Variants in PPIG observed in about 807,000 individuals in gnomAD.
PPIG encodes peptidyl-prolyl cis-trans isomerase G.
A neutral mutation model predicts 87.9 loss-of-function variants in PPIG; 26 were observed. That is an observed-to-expected ratio of 0.30 (90% CI 0.22 to 0.41). The LOEUF is 0.41. Among genes scored for constraint, PPIG ranks in the 10% least tolerant of loss-of-function variants. The pLI, the probability that PPIG is intolerant of heterozygous loss-of-function variation, is 1.00. For missense variants in PPIG, 722 were observed against 879.4 expected, an observed-to-expected ratio of 0.82 and a Z score of 2.26; for synonymous variants, 308 against 276.5, an observed-to-expected ratio of 1.11 and a Z score of -1.13.
Position 169,604,175 on chromosome 2 carries a change from C to T in PPIG, c.62-12C>T. Reference sequence around the variant, plus strand: ...TTAGTAAAGAAGTTTAACCAACTACCTTCTTTTTCAGCTGGAAGAGTTGTC... The same window carrying T: ...TTAGTAAAGAAGTTTAACCAACTACTTTCTTTTTCAGCTGGAAGAGTTGTC... On this transcript the variant is annotated splice_polypyrimidine_tract_variant and intron_variant, in intron 3 of 13. Transcript: ENST00000260970. 1.2e-6 allele frequency: 2 copies of T among 1,612,892 alleles called. No homozygotes were observed. Among genetic ancestry groups the T allele is most frequent in the Non-Finnish European group, 1.7e-6 (2 of 1,179,156 alleles).
intron 4 of PPIG, among the ~76,000 whole-genome samples, chr2:169,605,069 C>T (rs1376211396): frequency 6.6e-6 from 1 of 152,092 alleles, no homozygotes; most frequent in African/African-American, 2.4e-5. Context: ...CGTGGTGGCT[C>T]ACGCCTGTAA....
chr2:169,637,729 C>A lies in PPIG; in HGVS notation c.*206C>A. 1 of 511,456 alleles carries A rather than the reference C, an allele frequency of 2.0e-6. No homozygotes were observed. The highest frequency in any genetic ancestry group is 3.3e-6 in the Non-Finnish European group (1 of 304,242). The allele number at this position is 511,456 out of a possible 1,614,324, so 31.7% of individuals were successfully genotyped here. On this transcript the variant is annotated 3_prime_UTR_variant, in exon 14 of 14. Coordinates refer to ENST00000260970, the MANE Select transcript of PPIG (RefSeq NM_004792.3). ...TGTACTGCTAAAGTTTTAATAAACT[C>A]GACATGAGAAAAACACTTTGGTGTA...
intron 4 of PPIG, among the ~76,000 whole-genome samples, 169 bp from the exon 5 acceptor site, chr2:169,605,870 A>G (rs1685312431): frequency 6.6e-6 from 1 of 152,214 alleles, no homozygotes; most frequent in African/African-American, 2.4e-5. Flanking sequence ...ATTCTCCAGA[A>G]ATAACGTGGG....
chr2:169,605,976 AT>A (rs1302119176), intron 4 of PPIG, 62 bp from the exon 5 acceptor site: 1 of 1,178,224 alleles, frequency 8.5e-7, no homozygotes, highest in Non-Finnish European at 1.3e-6. Flanking sequence ...TTTTACATTT[AT>A]TTTGCTTTCA....
rs1686059642 is a variant in PPIG at position 169,631,791 on chromosome 2, A to C, written c.787A>C (p.Asn263His). Residue 263 changes from asparagine to histidine, a missense_variant, in exon 11 of 14, where the codon AAT (asparagine) becomes CAT (histidine). By Grantham distance (68) the Asn-to-His change is moderately conservative. Around this residue, in one of 4 missense-constraint regions of PPIG, gnomAD observed 142 missense variants for 152.8 expected, o/e 0.93. Coordinates refer to ENST00000260970, the MANE Select transcript of PPIG (RefSeq NM_004792.3). ...TGCATCTAGTGAGAGTGAAGCTGAA[A>C]ATCTTGAAGCACAACCCCAGTCTAC... is the stretch of plus-strand genomic sequence containing the variant. ...KSASSESEAE[N>H]LEAQPQSTVR... 6.2e-7 allele frequency: 1 copy of C among 1,613,750 alleles called. No individual in the cohort carries two copies. Among genetic ancestry groups the C allele is most frequent in the Non-Finnish European group, 8.5e-7 (1 of 1,179,850 alleles).
At chr2:169,612,379 ATTTTTT>A (rs57752220) in intron 7 of PPIG, among the ~76,000 whole-genome samples, 4 of 106,742 alleles carry the variant, frequency 3.7e-5, no homozygotes, top group Non-Finnish European at 1.8e-5. Flanking sequence ...TCAGAACTCC[ATTTTTT>A]TTTTTTTTTT....
intron 7 of PPIG, among the ~76,000 whole-genome samples, chr2:169,611,348 C>T (rs1685482853): frequency 6.6e-6 from 1 of 152,180 alleles, no homozygotes; most frequent in African/African-American, 2.4e-5. Flanking sequence ...GTTCTATAGT[C>T]AACTTTTGGC....
At chr2:169,605,903 A>T (rs1685313299) in intron 4 of PPIG, 136 bp from the exon 5 acceptor site, 2 of 637,510 alleles carry the variant, frequency 3.1e-6, no homozygotes, top group Non-Finnish European at 2.7e-6. Flanking sequence ...TGAATTTTTA[A>T]AAAAAAATTC....
At chr2:169,613,091 G>A (rs1685533583) in intron 7 of PPIG, among the ~76,000 whole-genome samples, 1 of 152,162 alleles carries the variant, frequency 6.6e-6, no homozygotes, top group Non-Finnish European at 1.5e-5. Flanking sequence ...AAGTTTTAGT[G>A]AGCAGGCAGA....
At chr2:169,588,184 A>T (rs1684759019) in intron 1 of PPIG, among the ~76,000 whole-genome samples, 9 of 152,156 alleles carry the variant, frequency 5.9e-5, no homozygotes, top group Admixed American at 5.2e-4. Context: ...AAATAAAAAT[A>T]AAAATATGAA....
rs1686211649 is a variant in PPIG at position 169,637,416 on chromosome 2, A to G, written c.2158A>G (p.Lys720Glu). 3.7e-6 allele frequency: 6 copies of G among 1,612,768 alleles called. No homozygotes were observed. Among genetic ancestry groups the G allele is most frequent in the Non-Finnish European group, 5.1e-6 (6 of 1,179,768 alleles). Residue 720 changes from lysine (K) to glutamate (E), a missense_variant, in exon 14 of 14, where the codon AAA (lysine) becomes GAA (glutamate). Coordinates refer to ENST00000260970, the MANE Select transcript of PPIG (RefSeq NM_004792.3). ...TGAGAAGATCAGATCCTCAGTGGAA[A>G]AAGAAAACCAAAAATCAAAAGGTCA... ...EDEKIRSSVE[K>E]ENQKSKGQEN... is the part of the protein sequence containing the mutation.
chr2:169,594,685 CACAATCTCGGCTCACT>C (rs1390594446), intron 1 of PPIG, among the ~76,000 whole-genome samples: 1 of 142,830 alleles, frequency 7.0e-6, no homozygotes, highest in Non-Finnish European at 1.5e-5. Flanking sequence ...AGTGCAGTGG[CACAATCTCGGCTCACT>C]GCAATCTCCA....
intron 9 of PPIG, among the ~76,000 whole-genome samples, chr2:169,626,578 G>C (rs1247968925): frequency 6.6e-6 from 1 of 152,066 alleles, no homozygotes; most frequent in African/African-American, 2.4e-5. Context: ...TTTTAGTAGA[G>C]ACGGGTTCAC....
At chr2:169,603,993 G>A in intron 2 of PPIG, 33 bp from the exon 3 acceptor site, 1 of 1,530,710 alleles carries the variant, frequency 6.5e-7, no homozygotes, top group Non-Finnish European at 9.0e-7. Flanking sequence ...TGCTATTTTA[G>A]TCTGCTTGTC....
At chr2:169,636,064 A>C in intron 12 of PPIG, 28 bp from the exon 13 acceptor site, 4 of 1,557,160 alleles carry the variant, frequency 2.6e-6, no homozygotes, top group Non-Finnish European at 3.5e-6. Context: ...TCTATACATT[A>C]ATTTTTCCCT....
chr2:169,609,593 T>C (rs532764261), intron 7 of PPIG, among the ~76,000 whole-genome samples: 1 of 152,114 alleles, frequency 6.6e-6, no homozygotes, highest in Non-Finnish European at 1.5e-5. Context: ...CTAGCCAAAT[T>C]AGGATAATTT....
intron 1 of PPIG, among the ~76,000 whole-genome samples, chr2:169,593,602 G>A (rs1466276842): frequency 2.6e-5 from 4 of 151,672 alleles, no homozygotes; most frequent in African/African-American, 4.8e-5. Flanking sequence ...CTTGAAGGTC[G>A]GGAGTAGTTT....
At chr2:169,601,751 C>T (rs2105483610) in intron 1 of PPIG, among the ~76,000 whole-genome samples, 1 of 152,094 alleles carries the variant, frequency 6.6e-6, no homozygotes, top group Admixed American at 6.5e-5. Context: ...AGGAAAATGC[C>T]TAGAGGTGAA....
In PPIG at chr2:169,614,612, C is replaced by A. The variant is rs1433579003; in HGVS notation, c.435C>A (p.Ile145=). 5.0e-6 allele frequency: 8 copies of A among 1,609,144 alleles called. No individual in the cohort carries two copies. The Admixed American group carries it at 1.4e-4, about 27-fold the overall frequency. Residue 145 remains isoleucine, a synonymous_variant, in exon 9 of 14, where the codon ATC becomes ATA. Coordinates refer to ENST00000260970, the MANE Select transcript of PPIG (RefSeq NM_004792.3). ...ATCATGTTGTTTTTGGACAAGTAAT[C>A]TCTGGTCAAGAAGTTGTAAGAGAGA... ...DGHHVVFGQV[I]SGQEVVREIE...
Sources: allele counts gnomAD v4.1 joint callset (sites outside exome capture counted in the v4.1 genomes callset), GRCh38; gene constraint gnomAD v4.1.1; regional missense constraint gnomAD v4.1.1; transcripts MANE v1.5; gene names NCBI Gene and HGNC (gene_info 2026-07-23, HGNC 2026-07-21).